The following FAM228A variants were observed in gnomAD, a reference collection of about 807,000 sequenced individuals.
FAM228A encodes family with sequence similarity 228 member A, also known as protein FAM228A.
In FAM228A, 13 loss-of-function variants were observed where a neutral mutation model predicts 18.6. The ratio of observed to expected loss-of-function variants is 0.70; its 90% CI spans 0.45 to 1.11. The LOEUF (loss-of-function observed/expected upper bound fraction) is 1.11. FAM228A is among the 50% of genes least tolerant of loss of function. The pLI is 0.00. For missense variants in FAM228A, 240 were observed against 242.2 expected, an observed-to-expected ratio of 0.99 and a Z score of 0.06; for synonymous variants, 77 against 86.6, an observed-to-expected ratio of 0.89 and a Z score of 0.61.
At chr2:24,176,130 T>A in intron 2 of FAM228A, 1 of 985,046 alleles carries the variant, frequency 1.0e-6, no homozygotes, top group Non-Finnish European at 1.2e-6. Context: ...AAAAACTGTT[T>A]AATTTCTTTA....
intron 5 of FAM228A, among the ~76,000 whole-genome samples, chr2:24,188,023 T>C (rs574199346): frequency 3.4e-5 from 5 of 147,400 alleles, no homozygotes; most frequent in African/African-American, 4.9e-5. Flanking sequence ...TTTCTCTTTG[T>C]TCCCTCTGCC....
Position 24,190,674 on chromosome 2 carries a change from G to A in FAM228A, c.*43G>A, listed in dbSNP as rs367716481. 5.5e-5 allele frequency: 82 copies of A among 1,502,580 alleles called. No homozygotes were observed. The African/African-American group carries it at 9.0e-4, about 16-fold the overall frequency. 93.1% of individuals were successfully genotyped at this position (1,502,580 alleles called of 1,614,324 possible). On this transcript the variant is annotated 3_prime_UTR_variant, in exon 6 of 6. Transcript: ENST00000295150. ...CCCTGTCAGACAGGCACCCAAGGGC[G>A]GAGGAGGCATGGCCCAAGAAGAAGG...
chr2:24,190,160 G>A (rs1668045803), intron 5 of FAM228A, among the ~76,000 whole-genome samples: 1 of 152,250 alleles, frequency 6.6e-6, no homozygotes, highest in East Asian at 1.9e-4. Flanking sequence ...ACAGCCATAG[G>A]GATTGAAGCT....
At chr2:24,176,019 G>A (rs1667681936) in intron 2 of FAM228A, 1 of 990,132 alleles carries the variant, frequency 1.0e-6, no homozygotes, top group African/African-American at 1.7e-5. Context: ...ATTTTTCTAT[G>A]TGTGTGCACA....
intron 3 of FAM228A, among the ~76,000 whole-genome samples, chr2:24,178,574 T>G (rs1172746575): frequency 6.6e-6 from 1 of 152,100 alleles, no homozygotes; most frequent in East Asian, 1.9e-4. Context: ...ACCCTGTCTT[T>G]TAAACAAAAA....
At chr2:24,178,022 G>A in intron 3 of FAM228A, 152 bp downstream of exon 3, 1 of 545,802 alleles carries the variant, frequency 1.8e-6, no homozygotes. Flanking sequence ...TGTACTACAT[G>A]CATCTGAGGC....
chr2:24,177,687 TTACCAAA>T (rs1435717881), intron 2 of FAM228A, 108 bp from the exon 3 acceptor site: 3 of 591,002 alleles, frequency 5.1e-6, no homozygotes, highest in Non-Finnish European at 8.7e-6. Context: ...TATTTTTATG[TTACCAAA>T]TAAGCCTCAA....
intron 3 of FAM228A, among the ~76,000 whole-genome samples, chr2:24,180,963 G>A (rs1667803749): frequency 6.6e-6 from 1 of 152,164 alleles, no homozygotes. Flanking sequence ...GTATTTTAAA[G>A]GCCGACATTA....
At chr2:24,186,353 T>A (rs185079791) in intron 5 of FAM228A, among the ~76,000 whole-genome samples, 1 of 152,328 alleles carries the variant, frequency 6.6e-6, no homozygotes, top group South Asian at 2.1e-4. Flanking sequence ...CCATTCCTTA[T>A]ACCTTTTATT....
intron 5 of FAM228A, 144 bp from the exon 6 acceptor site, chr2:24,190,268 G>A: frequency 9.7e-7 from 1 of 1,026,484 alleles, no homozygotes; most frequent in Admixed American, 3.0e-5. Flanking sequence ...CAGGCAGATT[G>A]AGGGACAGCC....
At chr2:24,179,370 T>G in intron 3 of FAM228A, 1 of 267,626 alleles carries the variant, frequency 3.7e-6, no homozygotes, top group Non-Finnish European at 6.4e-6. Context: ...GTTATACAAA[T>G]AGTTTCCAGC....
chr2:24,175,341 T>G (rs1667653667), intron 1 of FAM228A, 126 bp from the exon 2 acceptor site: 2 of 709,002 alleles, frequency 2.8e-6, no homozygotes, highest in Non-Finnish European at 2.4e-6. Context: ...GATCCCAGTT[T>G]GTTGGGTGAC....
At position 24,190,406 on chromosome 2, in the gene FAM228A, TCA is replaced by T. The variant is rs1466959994; in HGVS notation, c.402-3_402-2del. 2 of 1,589,706 alleles carry T rather than the reference TCA, an allele frequency of 1.3e-6. No homozygotes were observed. Among genetic ancestry groups the T allele is most frequent in the African/African-American group, 2.7e-5 (2 of 73,192 alleles). ...TCGAGACAATTTTTTCTGCTTTTCT[TCA>T]CAGTCCTGAAAAGCTCATCTATGCA... On this transcript the variant is annotated splice_region_variant and splice_polypyrimidine_tract_variant and intron_variant, in intron 5 of 5. Coordinates refer to ENST00000295150, the MANE Select transcript of FAM228A (RefSeq NM_001040710.3).
chr2:24,175,229 TGGCAG>T, intron 1 of FAM228A, 55 bp downstream of exon 1: 1 of 469,100 alleles, frequency 2.1e-6, no homozygotes. Flanking sequence ...GGGAGGGCTG[TGGCAG>T]GGCCAGGGGG....
chr2:24,183,756 A>T (rs1667872870), intron 5 of FAM228A, 111 bp downstream of exon 5: 1 of 852,910 alleles, frequency 1.2e-6, no homozygotes, highest in Non-Finnish European at 1.8e-6. Context: ...TTATAGTTTT[A>T]TTATTATTAT....
chr2:24,183,498 A>G lies in FAM228A; in HGVS notation c.254A>G (p.Lys85Arg), dbSNP rs1167320611. 3.7e-6 allele frequency: 6 copies of G among 1,610,290 alleles called. 1 individual carries two copies. Among genetic ancestry groups the G allele is most frequent in the Middle Eastern group, 1.7e-4 (1 of 6,058 alleles). ...RRTGLQCETG[K>R]RHSIKELEEI... ...TCGATTTTTTATCTTCCTGTAGGAA[A>G]ACGACATTCCATAAAAGAACTTGAA... Residue 85 changes from lysine to arginine, a missense_variant, in exon 5 of 6, where the codon AAA (lysine) becomes AGA (arginine). Lys to Arg is a conservative substitution (Grantham distance 26). Transcript: ENST00000295150.
At chr2:24,176,879 A>G (rs142562561) in intron 2 of FAM228A, among the ~76,000 whole-genome samples, 1 of 152,336 alleles carries the variant, frequency 6.6e-6, no homozygotes, top group Non-Finnish European at 1.5e-5. Context: ...ATTTGTTCAC[A>G]CTTAGTCCTA....
chr2:24,178,439 T>A (rs1454256264), intron 3 of FAM228A, among the ~76,000 whole-genome samples: 3 of 152,044 alleles, frequency 2.0e-5, no homozygotes, highest in African/African-American at 7.2e-5. Flanking sequence ...CCAGACATGG[T>A]GGCACACGCC....
At chr2:24,190,188 G>A (rs1668046238) in intron 5 of FAM228A, among the ~76,000 whole-genome samples, 2 of 152,148 alleles carry the variant, frequency 1.3e-5, no homozygotes, top group South Asian at 2.1e-4. Flanking sequence ...TGGTGCCTCA[G>A]CCATGGCTGG....
Sources: gnomAD v4.1 joint callset for allele counts (sites outside exome capture counted in the v4.1 genomes callset) on GRCh38, gnomAD v4.1.1 for gene constraint, MANE v1.5 for transcripts, NCBI Gene and HGNC (gene_info 2026-07-23, HGNC 2026-07-21) for gene names.